GRID2: variants seen among roughly 807,000 people sequenced by gnomAD.
GRID2 encodes the protein glutamate ionotropic receptor delta type subunit 2, also known as glutamate receptor ionotropic, delta-2.
In GRID2, 33 loss-of-function variants were observed where a neutral mutation model predicts 114.8. The observed-to-expected ratio is 0.29, with a 90% CI of 0.22 to 0.38. The LOEUF (loss-of-function observed/expected upper bound fraction) is 0.38. GRID2 is among the 10% of genes least tolerant of loss of function. GRID2 has a pLI of 1.00. For missense variants in GRID2, 1,184 were observed against 1,257.7 expected (o/e 0.94, Z 0.89); for synonymous variants, 505 against 449.9 (o/e 1.12, Z -1.55).
intron 13 of GRID2, among the ~76,000 whole-genome samples, chr4:93,601,005 C>T (rs559631831): frequency 1.3e-5 from 2 of 152,174 alleles, no homozygotes; most frequent in East Asian, 3.9e-4. Flanking sequence ...AGCAATAGTG[C>T]CCAGAGGGTG....
At position 93,767,851 on chromosome 4, in the gene GRID2, T is replaced by G. The variant is rs377467740; in HGVS notation, c.2361-1359T>G. 2.2e-4 allele frequency among the ~76,000 whole-genome samples: 34 copies of G among 152,312 alleles called. No individual in the cohort carries two copies. The East Asian group carries it at 6.0e-3, about 27-fold the overall frequency. ...CCTTGGGCAAGAGTACAAATATAGG[T>G]TCACATACCCCAAGTCTAATTATGT... is the stretch of plus-strand genomic sequence containing the variant. On this transcript the variant is annotated intron_variant, in intron 14 of 15. Transcript: ENST00000282020.
intron 14 of GRID2, among the ~76,000 whole-genome samples, chr4:93,699,635 C>T (rs2110135681): frequency 6.6e-6 from 1 of 152,110 alleles, no homozygotes; most frequent in South Asian, 2.1e-4. Flanking sequence ...GCCAAAAGCC[C>T]TTTATAGTTC....
At chr4:93,653,101 T>C (rs979086861) in intron 14 of GRID2, among the ~76,000 whole-genome samples, 1 of 152,158 alleles carries the variant, frequency 6.6e-6, no homozygotes, top group African/African-American at 2.4e-5. Context: ...TCTTTGAAGC[T>C]GGGAGACCAG....
intron 8 of GRID2, among the ~76,000 whole-genome samples, chr4:93,276,635 A>G (rs565454634): frequency 1.3e-5 from 2 of 151,874 alleles, no homozygotes; most frequent in Non-Finnish European, 2.9e-5. Context: ...TACAAGTCTT[A>G]CTCTTGTTAA....
intron 3 of GRID2, among the ~76,000 whole-genome samples, chr4:93,095,896 A>G (rs1578974597): frequency 6.6e-6 from 1 of 152,046 alleles, no homozygotes; most frequent in East Asian, 1.9e-4. Context: ...GAAGAAATTG[A>G]TAAGCTGATC....
chr4:92,529,444 T>G (rs1725221836), intron 1 of GRID2, among the ~76,000 whole-genome samples: 1 of 152,132 alleles, frequency 6.6e-6, no homozygotes. Context: ...ATAGCTGAAT[T>G]TGAATTCAGT....
chr4:92,416,497 G>A (rs752023734), intron 1 of GRID2, among the ~76,000 whole-genome samples: 1 of 152,092 alleles, frequency 6.6e-6, no homozygotes, highest in African/African-American at 2.4e-5. Context: ...GTCTAGAAGA[G>A]CTTTTCTGAT....
intron 8 of GRID2, among the ~76,000 whole-genome samples, chr4:93,355,898 A>C (rs1459853824): frequency 2.0e-5 from 3 of 152,196 alleles, no homozygotes; most frequent in Non-Finnish European, 4.4e-5. Flanking sequence ...TTCAGAGAAC[A>C]GCAAAAGAAT....
intron 1 of GRID2, among the ~76,000 whole-genome samples, chr4:92,460,047 T>TATATATATATATATAG (rs1721414214): frequency 8.4e-6 from 1 of 118,464 alleles, no homozygotes; most frequent in Non-Finnish European, 1.7e-5. Flanking sequence ...TATATATATA[T>TATATATATATATATAG]ATATATACAC....
chr4:92,438,389 C>T (rs754338393), intron 1 of GRID2, among the ~76,000 whole-genome samples: 9 of 151,392 alleles, frequency 5.9e-5, no homozygotes, highest in African/African-American at 9.7e-5. Flanking sequence ...ATCATCTTAT[C>T]GCATATTTTT....
At chr4:93,001,357 A>G (rs562314348) in intron 2 of GRID2, among the ~76,000 whole-genome samples, 1 of 151,792 alleles carries the variant, frequency 6.6e-6, no homozygotes, top group Non-Finnish European at 1.5e-5. Context: ...ATATAAGCTT[A>G]TGATAGAACA....
intron 9 of GRID2, among the ~76,000 whole-genome samples, chr4:93,407,796 CTCGTCCTCCTCCTCT>C (rs1766659916): frequency 3.3e-5 from 4 of 122,760 alleles, no homozygotes; most frequent in African/African-American, 1.2e-4. Flanking sequence ...CGTCCTCCTC[CTCGTCCTCCTCCTCT>C]TCCTCCTCCT....
intron 1 of GRID2, among the ~76,000 whole-genome samples, chr4:92,340,643 A>G (rs1201758636): frequency 6.6e-6 from 1 of 152,160 alleles, no homozygotes; most frequent in African/African-American, 2.4e-5. Flanking sequence ...AGTGTTTCTG[A>G]CCTTCTCCAA....
chr4:93,426,295 T>C (rs1356268346), intron 10 of GRID2, among the ~76,000 whole-genome samples: 1 of 152,180 alleles, frequency 6.6e-6, no homozygotes, highest in African/African-American at 2.4e-5. Context: ...CCCTTCATCT[T>C]CTATTCTTTT....
At chr4:93,164,203 A>C (rs2149412542) in intron 4 of GRID2, among the ~76,000 whole-genome samples, 1 of 152,166 alleles carries the variant, frequency 6.6e-6, no homozygotes, top group Admixed American at 6.6e-5. Context: ...AGAGGGAAAT[A>C]CCGAACAATA....
intron 8 of GRID2, among the ~76,000 whole-genome samples, chr4:93,350,147 T>C (rs1229862800): frequency 6.6e-6 from 1 of 152,042 alleles, no homozygotes; most frequent in South Asian, 2.1e-4. Flanking sequence ...CAGCAAAAAT[T>C]TAAGGCTTCC....
intron 2 of GRID2, among the ~76,000 whole-genome samples, chr4:93,041,468 G>T (rs1725508194): frequency 6.6e-6 from 1 of 152,144 alleles, no homozygotes; most frequent in Middle Eastern, 3.2e-3. Context: ...ATCTCTGAAA[G>T]TTGACATTTC....
intron 2 of GRID2, among the ~76,000 whole-genome samples, chr4:93,033,259 G>A (rs1279857248): frequency 1.3e-5 from 2 of 152,112 alleles, no homozygotes; most frequent in African/African-American, 4.8e-5. Context: ...TGATTTGCTA[G>A]AAGGACTCAC....
chr4:92,489,740 G>A (rs1338605078), intron 1 of GRID2, among the ~76,000 whole-genome samples: 3 of 151,864 alleles, frequency 2.0e-5, no homozygotes, highest in Admixed American at 6.6e-5. Flanking sequence ...CAGCTACTCA[G>A]GCGGCTGAGG....
Sources: gnomAD v4.1 joint callset for allele counts (sites outside exome capture counted in the v4.1 genomes callset) on GRCh38, gnomAD v4.1.1 for gene constraint, MANE v1.5 for transcripts, NCBI Gene and HGNC (gene_info 2026-07-23, HGNC 2026-07-21) for gene names.